Variants in CERS3 observed in about 807,000 individuals in gnomAD.
The protein encoded by CERS3 is LAG1 homolog, ceramide synthase 3.
In CERS3, 33 loss-of-function variants were observed where a neutral mutation model predicts 50.3. The observed-to-expected ratio is 0.66, with a 90% CI of 0.50 to 0.88. The LOEUF (loss-of-function observed/expected upper bound fraction) is 0.88, where lower values mean the gene tolerates loss of function less well. CERS3 is among the 40% of genes least tolerant of loss of function. CERS3 has a pLI of 0.00. For missense variants in CERS3, 470 were observed against 460.3 expected (o/e 1.02, Z -0.19); for synonymous variants, 176 against 155.2 (o/e 1.13, Z -0.99).
At chr15:100,419,939 G>C (rs1395639341) in intron 11 of CERS3, among the ~76,000 whole-genome samples, 3 of 140,840 alleles carry the variant, frequency 2.1e-5, no homozygotes, top group Non-Finnish European at 4.7e-5. Context: ...AGCATGTGTA[G>C]AGGGAAATTT....
intron 2 of CERS3, among the ~76,000 whole-genome samples, chr15:100,519,726 T>A (rs1436318896): frequency 6.6e-6 from 1 of 152,158 alleles, no homozygotes; most frequent in African/African-American, 2.4e-5. Context: ...CACTCCAACC[T>A]TTGCCATGCT....
At chr15:100,486,214 CA>C (rs1191800237) in intron 4 of CERS3, among the ~76,000 whole-genome samples, 1 of 152,196 alleles carries the variant, frequency 6.6e-6, no homozygotes, top group East Asian at 1.9e-4. Flanking sequence ...GCTGAATACC[CA>C]AAAGTCTGTG....
chr15:100,516,677 C>G (rs978566929), intron 2 of CERS3, among the ~76,000 whole-genome samples: 27 of 152,308 alleles, frequency 1.8e-4, no homozygotes, highest in African/African-American at 6.5e-4. Context: ...GCCTCCTCCC[C>G]CATTGTGTTC....
intron 11 of CERS3, among the ~76,000 whole-genome samples, chr15:100,448,999 C>A (rs1375881998): frequency 1.3e-5 from 2 of 152,194 alleles, no homozygotes; most frequent in Non-Finnish European, 2.9e-5. Flanking sequence ...AGTAACCCCA[C>A]TCTTCCCAGT....
At chr15:100,515,265 T>C (rs2036458364) in intron 2 of CERS3, among the ~76,000 whole-genome samples, 1 of 152,206 alleles carries the variant, frequency 6.6e-6, no homozygotes, top group African/African-American at 2.4e-5. Flanking sequence ...CAGCTAACTA[T>C]TGGAATCTTT....
chr15:100,485,443 C>T (rs73472073), intron 4 of CERS3, among the ~76,000 whole-genome samples: 3,445 of 152,204 alleles, frequency 0.023, 133 homozygotes, highest in African/African-American at 0.079. Context: ...ACCAAATGGA[C>T]CAGGTCTGTT....
rs922017147 is a variant in CERS3 at position 100,468,904 on chromosome 15, G to C, written c.845+474C>G. Among the ~76,000 whole-genome samples, 7 of 152,314 alleles carry C rather than the reference G, an allele frequency of 4.6e-5. No homozygotes were observed. In the East Asian group the frequency reaches 1.3e-3, roughly 29 times the overall value. ...ACAAGTATCAGTTTTCCTTATCTGG[G>C]AAGTGGAAGTGATAATACTCATCCT... On this transcript the variant is annotated intron_variant, in intron 10 of 11. Coordinates refer to ENST00000679737, the MANE Select transcript of CERS3 (RefSeq NM_001378789.1).
chr15:100,543,600 G>C (rs551910679), intron 1 of CERS3, among the ~76,000 whole-genome samples: 1 of 150,586 alleles, frequency 6.6e-6, no homozygotes, highest in African/African-American at 2.4e-5. Context: ...CGCGATCTCG[G>C]CTCACTGTCA....
intron 10 of CERS3, among the ~76,000 whole-genome samples, chr15:100,465,461 T>A (rs1487238575): frequency 7.0e-6 from 1 of 142,122 alleles, no homozygotes; most frequent in African/African-American, 2.6e-5. Context: ...GGGAAGACCA[T>A]TTAAACTAGA....
intron 10 of CERS3, among the ~76,000 whole-genome samples, chr15:100,464,227 GA>G (rs2034641013): frequency 1.3e-5 from 2 of 152,266 alleles, no homozygotes; most frequent in Admixed American, 6.5e-5. Flanking sequence ...ATTTGCAGTT[GA>G]AAATGTTTTG....
chr15:100,427,426 G>C (rs1038179620), intron 11 of CERS3, among the ~76,000 whole-genome samples: 45 of 152,324 alleles, frequency 3.0e-4, no homozygotes, highest in African/African-American at 8.7e-4. Context: ...TTGGCCCATA[G>C]ATGAGTGGCC....
chr15:100,459,900 G>A (rs567011392), intron 10 of CERS3, among the ~76,000 whole-genome samples: 8 of 151,384 alleles, frequency 5.3e-5, no homozygotes, highest in South Asian at 4.2e-4. Flanking sequence ...TATTTTACTC[G>A]GCTACTTTTA....
chr15:100,538,967 C>A (rs1002894136), intron 1 of CERS3, among the ~76,000 whole-genome samples: 7 of 152,200 alleles, frequency 4.6e-5, no homozygotes. Context: ...CCCAAGTCAC[C>A]TCTTGAACAC....
intron 2 of CERS3, among the ~76,000 whole-genome samples, chr15:100,504,135 C>T (rs1339798739): frequency 6.6e-6 from 1 of 152,094 alleles, no homozygotes; most frequent in African/African-American, 2.4e-5. Flanking sequence ...AATTCCGTAC[C>T]TCATCTCACT....
chr15:100,478,226 T>G (rs2035195052), intron 7 of CERS3, among the ~76,000 whole-genome samples: 1 of 151,978 alleles, frequency 6.6e-6, no homozygotes, highest in African/African-American at 2.4e-5. Context: ...TAACTGAAAT[T>G]GAGAATTCAA....
chr15:100,440,986 C>A (rs564191532), intron 11 of CERS3, among the ~76,000 whole-genome samples: 23 of 152,310 alleles, frequency 1.5e-4, no homozygotes, highest in African/African-American at 3.4e-4. Flanking sequence ...TGCAGGGACG[C>A]CTCTCTGATT....
At chr15:100,433,235 C>CAAAA (rs5814963) in intron 11 of CERS3, among the ~76,000 whole-genome samples, 29 of 98,434 alleles carry the variant, frequency 2.9e-4, no homozygotes, top group African/African-American at 8.8e-4. Flanking sequence ...GACTCTGTCT[C>CAAAA]AAAAAAAAAA....
Position 100,480,005 on chromosome 15 carries a change from A to T in CERS3, c.449T>A (p.Ile150Asn), listed in dbSNP as rs2035250071. 1.2e-6 allele frequency: 2 copies of T among 1,608,884 alleles called. No homozygotes were observed. Among genetic ancestry groups the T allele is most frequent in the South Asian group, 1.1e-5 (1 of 89,262 alleles). ...ATAACTTACATCATAAAGAAACGCA[A>T]TTCCAGCAACAGTGATCATTAAGTA... ...AFYLMITVAG[I>N]AFLYDKPWLY... The change falls in exon 6 of 12, where the codon ATT becomes AAT. Residue 150 changes from isoleucine to asparagine, a missense_variant. By Grantham distance (149) the Ile-to-Asn change is moderately radical. Transcript: ENST00000679737.
rs1847323 is a variant in CERS3 at position 100,491,237 on chromosome 15, G to A, written c.174-306C>T. ...TCTACTTAGAATTTTAAAGACTCCCGGGGATTAAAATAAATAGGAATTTTG... is the reference window on the plus strand; with the variant it reads ...TCTACTTAGAATTTTAAAGACTCCCAGGGATTAAAATAAATAGGAATTTTG... On this transcript the variant is annotated intron_variant, in intron 3 of 11. Transcript: ENST00000679737. Among the ~76,000 whole-genome samples, 18,797 of 151,976 alleles carry A rather than the reference G, an allele frequency of 0.12. 2,070 individuals are homozygous for A. Among genetic ancestry groups the A allele is most frequent in the African/African-American group, 0.29 (12,148 of 41,398 alleles).
Sources: allele counts gnomAD v4.1 joint callset (sites outside exome capture counted in the v4.1 genomes callset), GRCh38; gene constraint gnomAD v4.1.1; transcripts MANE v1.5; gene names NCBI Gene and HGNC (gene_info 2026-07-23, HGNC 2026-07-21).